The following UNC45A variants were observed in gnomAD, a reference collection of about 807,000 sequenced individuals.
UNC45A encodes protein unc-45 homolog A.
In UNC45A, 78 loss-of-function variants were observed where a neutral mutation model predicts 103.2. The observed-to-expected ratio is 0.76, with a 90% CI of 0.63 to 0.91. The LOEUF is 0.91. Ranked by LOEUF, UNC45A falls within the 40% of genes least tolerant of loss-of-function variation. The pLI is 0.00. For missense variants in UNC45A, 1,193 were observed against 1,224.8 expected (o/e 0.97, Z 0.39); for synonymous variants, 495 against 504.6 (o/e 0.98, Z 0.25).
At chr15:90,942,635 G>T (rs1430504872) in intron 7 of UNC45A, 30 bp downstream of exon 7, 2 of 1,613,806 alleles carry the variant, frequency 1.2e-6, no homozygotes, top group Admixed American at 1.7e-5. Context: ...GGGTCTTTTG[G>T]ACGTTACTGT....
intron 3 of UNC45A, 104 bp from the exon 4 acceptor site, chr15:90,936,181 G>T: frequency 3.3e-6 from 5 of 1,528,204 alleles, no homozygotes; most frequent in Non-Finnish European, 4.4e-6. Flanking sequence ...CCCCACATTC[G>T]TCCCCCCCAC....
At chr15:90,939,260 C>T (rs947769390) in intron 4 of UNC45A, among the ~76,000 whole-genome samples, 4 of 152,196 alleles carry the variant, frequency 2.6e-5, no homozygotes, top group South Asian at 4.1e-4. Context: ...GGATTACAGG[C>T]GGGAGCCACT....
At position 90,946,882 on chromosome 15, in the gene UNC45A, GAGA is replaced by G. The variant is rs1432687776; in HGVS notation, c.1471_1473del (p.Lys491del). The G allele has an allele frequency of 4.0e-6, 6 of 1,504,496 alleles. No individual in the cohort carries two copies. In the African/African-American group the frequency reaches 4.2e-5, roughly 11 times the overall value. The allele number at this position is 1,504,496 out of a possible 1,614,324, so 93.2% of individuals were successfully genotyped here. ...GCTGAAGGACCTATATAAGTGCAGC[GAGA>G]AGGACAGCATCCGCATCCGGGCGCT... On this transcript the variant is annotated inframe_deletion, in exon 10 of 20. Transcript: ENST00000418476.
At chr15:90,950,661 C>T (rs770675540) in intron 17 of UNC45A, 46 bp downstream of exon 17, 44 of 1,575,608 alleles carry the variant, frequency 2.8e-5, no homozygotes, top group Admixed American at 1.0e-4. Flanking sequence ...CATCGGGATT[C>T]GGAATATCCC....
chr15:90,949,697 G>A lies in UNC45A; in HGVS notation c.2050G>A (p.Val684Met). ...LVEEVEDRGT[V>M]VAQGGGRALI... The stretch of plus-strand genomic sequence containing the variant: ...GGAAGAGGTAGAGGACCGAGGCACT[G>A]TGGTTGCCCAGGGAGGCGGCAGGGT... The change falls in exon 15 of 20, where the codon GTG becomes ATG. Residue 684 changes from valine to methionine, a missense_variant. Physicochemically the swap from Val to Met is conservative, Grantham distance 21. Coordinates refer to ENST00000418476, the MANE Select transcript of UNC45A (RefSeq NM_018671.5). The A allele has an allele frequency of 6.2e-7, 1 of 1,614,194 alleles. No homozygotes were observed. The highest frequency in any genetic ancestry group is 8.5e-7 in the Non-Finnish European group (1 of 1,180,038).
chr15:90,944,914 G>C lies in UNC45A; in HGVS notation c.1050G>C (p.Val350=), dbSNP rs771175867. Reference sequence around the variant, plus strand: ...CAGGTCTGAAAAAGATTTTGGAAGTGGGGGGCTCTCTACAGGACCCTCCTG... The same window carrying C: ...CAGGTCTGAAAAAGATTTTGGAAGTCGGGGGCTCTCTACAGGACCCTCCTG... ...IDQGLKKILE[V]GGSLQDPPGE... is the part of the protein sequence containing the mutation. The change falls in exon 9 of 20, where the codon GTG becomes GTC. Residue 350 remains valine (V), a synonymous_variant. Transcript: ENST00000418476. 5.0e-6 allele frequency: 8 copies of C among 1,612,108 alleles called. No individual in the cohort carries two copies. Among genetic ancestry groups the C allele is most frequent in the South Asian group, 1.1e-5 (1 of 91,004 alleles).
Position 90,946,930 on chromosome 15 carries a change from T to TGGGGGGGGGCGG in UNC45A, c.1500+20_1500+21insGGGGGCGGGGGG. On this transcript the variant is annotated intron_variant, in intron 10 of 19. Coordinates refer to ENST00000418476, the MANE Select transcript of UNC45A (RefSeq NM_018671.5). ...GGCGCTAGTGGTGAGACGGTGGGCC[T>TGGGGGGGGGCGG]GGGGTGGGTGGGCAGGCAGCCAGGC... 2.5e-6 allele frequency: 2 copies of TGGGGGGGGGCGG among 784,974 alleles called. No individual in the cohort carries two copies. The highest frequency in any genetic ancestry group is 4.1e-6 in the Non-Finnish European group (2 of 484,376). The allele number at this position is 784,974 out of a possible 1,614,324, so 48.6% of individuals were successfully genotyped here. A position where few individuals can be genotyped will look rare whatever the true frequency, so the allele number is the denominator to read the frequency against.
chr15:90,941,130 A>C (rs1025052910), intron 6 of UNC45A, among the ~76,000 whole-genome samples: 6 of 152,152 alleles, frequency 3.9e-5, no homozygotes, highest in Non-Finnish European at 7.4e-5. Context: ...ACTCACAAAA[A>C]CACATTGGTC....
chr15:90,935,357 C>G lies in UNC45A; in HGVS notation c.33C>G (p.Pro11=). Residue 11 remains proline, a synonymous_variant, in exon 1 of 20, where the codon CCC becomes CCG. Coordinates refer to ENST00000418476, the MANE Select transcript of UNC45A (RefSeq NM_018671.5). ...TGAGTGGTCCAGGGACCCCCGAGCC[C>G]CGGCCGGCCACCCCCGGGGTGCGTA... The part of the protein sequence containing the change: MTVSGPGTPE[P]RPATPGASSV... 1.2e-6 allele frequency: 2 copies of G among 1,603,952 alleles called. No homozygotes were observed. The highest frequency in any genetic ancestry group is 8.5e-7 in the Non-Finnish European group (1 of 1,176,284).
intron 8 of UNC45A, 82 bp downstream of exon 8, chr15:90,943,164 G>A: frequency 6.7e-7 from 1 of 1,482,422 alleles, no homozygotes; most frequent in Non-Finnish European, 9.1e-7. Context: ...GTTGTGAGTG[G>A]GGCCAGGCAT....
In UNC45A at chr15:90,944,938, T is replaced by C. The variant is rs149579469; in HGVS notation, c.1074T>C (p.Pro358=). 8.7e-6 allele frequency: 14 copies of C among 1,612,426 alleles called. No individual in the cohort carries two copies. The African/African-American group carries it at 9.3e-5, about 11-fold the overall frequency. ...LEVGGSLQDP[P]GELAVTANSR... The stretch of plus-strand genomic sequence containing the variant: ...TGGGGGGCTCTCTACAGGACCCTCC[T>C]GGGGAGCTCGCAGTGACCGCAAACA... Residue 358 remains proline, a synonymous_variant, in exon 9 of 20, where the codon CCT becomes CCC. Coordinates refer to ENST00000418476, the MANE Select transcript of UNC45A (RefSeq NM_018671.5).
At chr15:90,931,992 C>G, upstream of UNC45A, 1 of 1,613,892 alleles carries the variant, frequency 6.2e-7, no homozygotes, top group Non-Finnish European at 8.5e-7. Context: ...CAAGGGTTGC[C>G]CATTGCTGAA....
chr15:90,947,807 G>C lies in UNC45A; in HGVS notation c.1512G>C (p.Lys504Asn), dbSNP rs1299638954. Residue 504 changes from lysine to asparagine, a missense_variant, in exon 11 of 20, where the codon AAG becomes AAC. Physicochemically the swap from Lys to Asn is moderately conservative, Grantham distance 94 (BLOSUM62 0). Transcript: ENST00000418476. ...IRIRALVGLC[K>N]LGSAGGTDFS... ...CCCTCTTCCTCCAGGGACTCTGTAA[G>C]CTCGGTTCGGCTGGAGGGACTGACT... 6.2e-7 allele frequency: 1 copy of C among 1,613,998 alleles called. No homozygotes were observed. Among genetic ancestry groups the C allele is most frequent in the African/African-American group, 1.3e-5 (1 of 74,928 alleles).
chr15:90,949,930 T>C, intron 15 of UNC45A: 3 of 670,084 alleles, frequency 4.5e-6, no homozygotes, highest in Non-Finnish European at 7.6e-6. Context: ...TAGGCTCTAC[T>C]GTTCCTTTGT....
rs202039899 is a variant in UNC45A at position 90,936,001 on chromosome 15, C to G, written c.250+19C>G. The stretch of plus-strand genomic sequence containing the variant: ...TCCAAAGGTAGGGGAATGGTGGGCC[C>G]TGGTGTGGAGCTGTAGGGCTTCTGT... On this transcript the variant is annotated intron_variant, in intron 3 of 19. Transcript: ENST00000418476. 6.2e-7 allele frequency: 1 copy of G among 1,613,940 alleles called. No individual in the cohort carries two copies. The highest frequency in any genetic ancestry group is 8.5e-7 in the Non-Finnish European group (1 of 1,179,944).
chr15:90,953,214 T>C lies in UNC45A; in HGVS notation c.2481T>C (p.Ser827=). The stretch of plus-strand genomic sequence containing the variant: ...GACTGAAGCTGCTGGTGCTGTACAG[T>C]GGAGAGGATGATGAGCTGCTACAGC... The part of the protein sequence containing the change: ...NDRLKLLVLY[S]GEDDELLQRA... Residue 827 remains serine, a synonymous_variant, in exon 19 of 20, where the codon AGT becomes AGC. Transcript: ENST00000418476. 6.2e-7 allele frequency: 1 copy of C among 1,613,698 alleles called. No homozygotes were observed. The highest frequency in any genetic ancestry group is 8.5e-7 in the Non-Finnish European group (1 of 1,179,982).
upstream of UNC45A, chr15:90,931,750 T>C (rs751404108): frequency 1.4e-5 from 22 of 1,614,210 alleles, no homozygotes; most frequent in Admixed American, 1.0e-4. Context: ...ACAGCTTGTC[T>C]GCCAGCTTCA....
intron 5 of UNC45A, 119 bp from the exon 6 acceptor site, chr15:90,940,187 G>C: frequency 8.8e-7 from 1 of 1,135,280 alleles, no homozygotes; most frequent in Non-Finnish European, 1.3e-6. Flanking sequence ...TTTTTTGGCC[G>C]TGGTCACTCA....
chr15:90,946,714 G>A lies in UNC45A; in HGVS notation c.1300G>A (p.Glu434Lys), dbSNP rs1486752163. The A allele has an allele frequency of 9.3e-6, 15 of 1,613,330 alleles. No homozygotes were observed. The East Asian group carries it at 3.3e-4, about 36-fold the overall frequency. The change falls in exon 10 of 20, where the codon GAG becomes AAG. Residue 434 changes from glutamate to lysine, a missense_variant. Coordinates refer to ENST00000418476, the MANE Select transcript of UNC45A (RefSeq NM_018671.5). The part of the protein sequence containing the change: ...GPCDAGNRAL[E>K]LSGVMESVIA... ...ATGTGACGCTGGCAACCGGGCCTTG[G>A]AGCTGAGCGGTGTCATGGAGAGTGT... is the stretch of plus-strand genomic sequence containing the variant.
Sources: gnomAD v4.1 joint callset for allele counts (sites outside exome capture counted in the v4.1 genomes callset) on GRCh38, gnomAD v4.1.1 for gene constraint, MANE v1.5 for transcripts, NCBI Gene and HGNC (gene_info 2026-07-23, HGNC 2026-07-21) for gene names.